MAN1C1: variants seen among roughly 807,000 people sequenced by gnomAD.
MAN1C1 encodes the protein mannosyl-oligosaccharide 1,2-alpha-mannosidase IC.
In MAN1C1, 49 loss-of-function variants were observed where a neutral mutation model predicts 71.5. The ratio of observed to expected loss-of-function variants is 0.69; its 90% confidence interval spans 0.54 to 0.87. The LOEUF (loss-of-function observed/expected upper bound fraction) is 0.87. Among genes scored for constraint, MAN1C1 ranks in the 40% least tolerant of loss-of-function variants. The pLI, the probability that MAN1C1 is intolerant of heterozygous loss-of-function variation, is 0.00. For missense variants in MAN1C1, 743 were observed against 835.0 expected (o/e 0.89, Z 1.36); for synonymous variants, 352 against 343.7 (o/e 1.02, Z -0.27).
chr1:25,777,189 G>A (rs948498821), intron 8 of MAN1C1, among the ~76,000 whole-genome samples: 1 of 152,184 alleles, frequency 6.6e-6, no homozygotes, highest in Non-Finnish European at 1.5e-5. Flanking sequence ...GCAGAGTACA[G>A]AGACCCCCTG....
chr1:25,698,433 C>T (rs532984185), intron 2 of MAN1C1, among the ~76,000 whole-genome samples: 19 of 152,194 alleles, frequency 1.2e-4, no homozygotes, highest in African/African-American at 4.3e-4. Context: ...CTCATGAGAC[C>T]GTTCCTTCAT....
At chr1:25,662,627 T>A (rs1446787885) in intron 1 of MAN1C1, among the ~76,000 whole-genome samples, 1 of 152,030 alleles carries the variant, frequency 6.6e-6, no homozygotes, top group Non-Finnish European at 1.5e-5. Context: ...AATCAAGAAC[T>A]CTGCTTTAAA....
At chr1:25,706,283 C>T (rs975633976) in intron 2 of MAN1C1, among the ~76,000 whole-genome samples, 1 of 152,200 alleles carries the variant, frequency 6.6e-6, no homozygotes, top group Non-Finnish European at 1.5e-5. Context: ...GTGTTTGTGC[C>T]ATGCCTGAAG....
intron 2 of MAN1C1, among the ~76,000 whole-genome samples, chr1:25,690,184 A>G (rs902810036): frequency 6.6e-6 from 1 of 152,066 alleles, no homozygotes; most frequent in Non-Finnish European, 1.5e-5. Flanking sequence ...CATCCGGCTC[A>G]GCAGGCCCTG....
chr1:25,718,410 C>G (rs943159999), intron 2 of MAN1C1, among the ~76,000 whole-genome samples: 4 of 152,170 alleles, frequency 2.6e-5, no homozygotes, highest in Non-Finnish European at 5.9e-5. Flanking sequence ...ATATTTTTAC[C>G]TCTCTCTTAT....
intron 4 of MAN1C1, among the ~76,000 whole-genome samples, chr1:25,750,174 T>G (rs940128175): frequency 3.3e-5 from 5 of 152,036 alleles, no homozygotes; most frequent in African/African-American, 1.2e-4. Context: ...GGACATGGGA[T>G]AGGAAGGAAA....
At chr1:25,777,734 G>A (rs560677564) in intron 8 of MAN1C1, 24 of 199,196 alleles carry the variant, frequency 1.2e-4, no homozygotes, top group Admixed American at 7.5e-4. Flanking sequence ...TAAGGGCCTG[G>A]ACCCCTGAAG....
intron 1 of MAN1C1, among the ~76,000 whole-genome samples, chr1:25,679,477 A>G (rs2046115553): frequency 6.6e-6 from 1 of 152,084 alleles, no homozygotes; most frequent in Non-Finnish European, 1.5e-5. Flanking sequence ...TGTAATTTAT[A>G]AAAAGTGAAG....
In MAN1C1 at chr1:25,746,758, TG is replaced by T; in HGVS notation, c.731del (p.Gly244GlufsTer6). On this transcript the variant is annotated frameshift_variant, in exon 3 of 12. Transcript: ENST00000374332. LOFTEE classifies it high-confidence loss of function. The surrounding 1 kb of genome is among the most constrained non-coding windows in gnomAD (Gnocchi z 4.0). ...KEEFQEAKAW[V>X]GESFHLNVSG... The stretch of plus-strand genomic sequence containing the variant: ...GAGTTCCAGGAGGCCAAGGCCTGGG[TG>T]GGAGAGAGCTTCCACCTGAACGTGG... 7.4e-7 allele frequency: 1 copy of T among 1,354,910 alleles called. No individual in the cohort carries two copies. The highest frequency in any genetic ancestry group is 9.7e-7 in the Non-Finnish European group (1 of 1,025,716). 83.9% of individuals were successfully genotyped at this position (1,354,910 alleles called of 1,614,324 possible).
At position 25,734,821 on chromosome 1, in the gene MAN1C1, T is replaced by C. The variant is rs191861391; in HGVS notation, c.638-11847T>C. Among the ~76,000 whole-genome samples the C allele has an allele frequency of 2.0e-3, 307 of 152,302 alleles. 1 individual carries two copies. Among genetic ancestry groups the C allele is most frequent in the Non-Finnish European group, 3.4e-3 (234 of 68,026 alleles). On this transcript the variant is annotated intron_variant, in intron 2 of 11. Transcript: ENST00000374332. Reference sequence around the variant, plus strand: ...AAGACACTCCCTGCCTGGAATGGACTTGAGAAAAGGACACAAATTACTGTA... The same window carrying C: ...AAGACACTCCCTGCCTGGAATGGACCTGAGAAAAGGACACAAATTACTGTA...
At chr1:25,637,712 GTATTTTTTA>G (rs1363103176) in intron 1 of MAN1C1, among the ~76,000 whole-genome samples, 2 of 151,302 alleles carry the variant, frequency 1.3e-5, no homozygotes, top group Non-Finnish European at 2.9e-5. Context: ...GTTTTGCTTC[GTATTTTTTA>G]TATTTATGTT....
chr1:25,626,167 G>A (rs147526915), intron 1 of MAN1C1, among the ~76,000 whole-genome samples: 240 of 152,310 alleles, frequency 1.6e-3, no homozygotes, highest in African/African-American at 5.4e-3. Context: ...AACTGGAAGC[G>A]CTTTCCCCAA....
At chr1:25,630,303 C>T (rs563048198) in intron 1 of MAN1C1, among the ~76,000 whole-genome samples, 4 of 152,092 alleles carry the variant, frequency 2.6e-5, no homozygotes, top group Non-Finnish European at 1.5e-5. Flanking sequence ...TAACTATAGC[C>T]TTGTGGTACA....
intron 8 of MAN1C1, among the ~76,000 whole-genome samples, chr1:25,773,952 CT>C (rs1557803345): frequency 2.6e-5 from 4 of 152,292 alleles, no homozygotes; most frequent in African/African-American, 9.6e-5. Context: ...GACTGCACCC[CT>C]GACTCAGAAC....
At chr1:25,719,135 C>T (rs1042700485) in intron 2 of MAN1C1, among the ~76,000 whole-genome samples, 5 of 148,972 alleles carry the variant, frequency 3.4e-5, no homozygotes, top group African/African-American at 1.2e-4. Context: ...TGCAGTGGCG[C>T]GATCTTGGCT....
chr1:25,752,995 C>T, intron 4 of MAN1C1, among the ~76,000 whole-genome samples: 1 of 152,248 alleles, frequency 6.6e-6, no homozygotes, highest in East Asian at 1.9e-4. Flanking sequence ...ACGGCACCAC[C>T]TGTTCCCATG....
intron 1 of MAN1C1, chr1:25,645,644 C>T (rs1291830236): frequency 3.3e-5 from 5 of 152,230 alleles, no homozygotes; most frequent in East Asian, 1.9e-4. Flanking sequence ...CTGGAATCCT[C>T]GACTTGAACG....
intron 2 of MAN1C1, among the ~76,000 whole-genome samples, chr1:25,734,700 G>A (rs972316664): frequency 4.6e-5 from 7 of 152,198 alleles, no homozygotes; most frequent in African/African-American, 1.7e-4. Flanking sequence ...GCAGTGCAGG[G>A]AGGGTGTCCA....
rs180760114 is a variant in MAN1C1 at position 25,666,816 on chromosome 1, G to A, written c.541-19624G>A. Among the ~76,000 whole-genome samples the A allele has an allele frequency of 3.9e-5, 6 of 152,286 alleles. No homozygotes were observed. The East Asian group carries it at 7.7e-4, about 20-fold the overall frequency. On this transcript the variant is annotated intron_variant, in intron 1 of 11. Transcript: ENST00000374332. ...GTCTCTGAGATTTTGAAAGAGTCCCGGTGAGCCACCATCACCCATAGTTGT... is the reference window on the plus strand; with the variant it reads ...GTCTCTGAGATTTTGAAAGAGTCCCAGTGAGCCACCATCACCCATAGTTGT...
Sources: gnomAD v4.1 joint callset for allele counts (sites outside exome capture counted in the v4.1 genomes callset) on GRCh38, gnomAD v4.1.1 for gene constraint, Gnocchi (gnomAD v3.1) non-coding constraint, MANE v1.5 for transcripts, NCBI Gene and HGNC (gene_info 2026-07-23, HGNC 2026-07-21) for gene names.